COP1: variants seen among roughly 807,000 people sequenced by gnomAD.
COP1 encodes the protein COP1 E3 ubiquitin ligase.
Under a neutral mutation model 101.3 loss-of-function variants are expected in COP1, and 24 were observed. That is an observed-to-expected ratio of 0.24 (90% CI 0.17 to 0.33). The LOEUF is 0.33. Ranked by LOEUF, COP1 falls within the 10% of genes least tolerant of loss-of-function variation. COP1 has a pLI of 1.00. For missense variants in COP1, 663 were observed against 906.2 expected (o/e 0.73, Z 3.45); for synonymous variants, 347 against 341.9 (o/e 1.01, Z -0.17).
At chr1:176,001,942 C>T (rs367551115) in intron 15 of COP1, among the ~76,000 whole-genome samples, 18 of 152,180 alleles carry the variant, frequency 1.2e-4, no homozygotes, top group South Asian at 2.1e-4. Flanking sequence ...TGATTTCTGA[C>T]GAGAAGTCAT....
In COP1 at chr1:176,128,861, G is replaced by A. The variant is rs190421738; in HGVS notation, c.968+6149C>T. 6.6e-5 allele frequency among the ~76,000 whole-genome samples: 10 copies of A among 151,944 alleles called. No individual in the cohort carries two copies. In the East Asian group the frequency reaches 1.9e-3, roughly 29 times the overall value. On this transcript the variant is annotated intron_variant, in intron 8 of 19. Transcript: ENST00000367669. Reference sequence around the variant, plus strand: ...CTAAGAACTTAAGCATTAACATGAAGCAGCAGACATTGACAATGCATTGGT... The same window carrying A: ...CTAAGAACTTAAGCATTAACATGAAACAGCAGACATTGACAATGCATTGGT...
At chr1:176,172,897 TA>T (rs1696302366) in intron 3 of COP1, among the ~76,000 whole-genome samples, 1 of 152,062 alleles carries the variant, frequency 6.6e-6, no homozygotes, top group African/African-American at 2.4e-5. Context: ...CTAGAAGAGG[TA>T]ATCAGCAGAA....
intron 9 of COP1, among the ~76,000 whole-genome samples, chr1:176,094,609 A>C (rs1030238721): frequency 4.0e-5 from 6 of 151,846 alleles, no homozygotes; most frequent in African/African-American, 1.4e-4. Context: ...TAGCAAACTC[A>C]AAGATAATTA....
chr1:176,144,243 T>C (rs773869584), intron 6 of COP1, among the ~76,000 whole-genome samples: 1 of 152,102 alleles, frequency 6.6e-6, no homozygotes, highest in Non-Finnish European at 1.5e-5. Flanking sequence ...TTAATGAGAG[T>C]TTAACCAGGT....
At chr1:176,026,385 T>C (rs1667664352) in intron 15 of COP1, among the ~76,000 whole-genome samples, 1 of 151,998 alleles carries the variant, frequency 6.6e-6, no homozygotes, top group Non-Finnish European at 1.5e-5. Context: ...ACAAAGAATC[T>C]TTTTTCCATA....
In COP1 at chr1:176,011,692, T is replaced by C. The variant is rs559185687; in HGVS notation, c.1729+15880A>G. Among the ~76,000 whole-genome samples, 108 of 152,334 alleles carry C rather than the reference T, an allele frequency of 7.1e-4. No homozygotes were observed. The South Asian group carries it at 0.02, about 29-fold the overall frequency. ...AAATATAACACACATAGACATTTATTATAATGCACTTATATACAGTCACAT... is the reference window on the plus strand; with the variant it reads ...AAATATAACACACATAGACATTTATCATAATGCACTTATATACAGTCACAT... On this transcript the variant is annotated intron_variant, in intron 15 of 19. Transcript: ENST00000367669.
chr1:176,104,572 A>G (rs995600475), intron 9 of COP1, among the ~76,000 whole-genome samples: 17 of 152,204 alleles, frequency 1.1e-4, no homozygotes, highest in Non-Finnish European at 1.0e-4. Context: ...TCTCATTTAT[A>G]ATTAAAGAAA....
intron 11 of COP1, among the ~76,000 whole-genome samples, chr1:176,068,634 C>T (rs749991511): frequency 5.3e-5 from 8 of 152,130 alleles, no homozygotes; most frequent in Non-Finnish European, 1.0e-4. Flanking sequence ...GATAAAAGCA[C>T]ATTTTTTTCC....
At chr1:176,125,927 G>C (rs908843027) in intron 8 of COP1, among the ~76,000 whole-genome samples, 18 of 152,060 alleles carry the variant, frequency 1.2e-4, no homozygotes, top group Non-Finnish European at 1.2e-4. Context: ...TTTCATTATA[G>C]ATATCTTTCA....
At chr1:175,975,026 T>C (rs527910137) in intron 18 of COP1, among the ~76,000 whole-genome samples, 1 of 149,818 alleles carries the variant, frequency 6.7e-6, no homozygotes, top group Non-Finnish European at 1.5e-5. Context: ...TTTTAAAAAA[T>C]ATTGACAGCT....
At chr1:176,158,630 C>CTTTTTTTTTTTTTTTTT (rs35518162) in intron 5 of COP1, among the ~76,000 whole-genome samples, 1 of 79,312 alleles carries the variant, frequency 1.3e-5, no homozygotes, top group Non-Finnish European at 2.2e-5. Context: ...TTTTAAGGTT[C>CTTTTTTTTTTTTTTTTT]TTTTTTTTTT....
At chr1:176,202,580 C>T (rs1462247376) in intron 1 of COP1, among the ~76,000 whole-genome samples, 1 of 151,772 alleles carries the variant, frequency 6.6e-6, no homozygotes, top group Non-Finnish European at 1.5e-5. Flanking sequence ...CGTCTCTAAT[C>T]CCCGCTGCTT....
chr1:176,105,755 A>G (rs913349843), intron 9 of COP1, among the ~76,000 whole-genome samples: 2 of 152,204 alleles, frequency 1.3e-5, no homozygotes, highest in Non-Finnish European at 2.9e-5. Flanking sequence ...AAAACACATC[A>G]GTTGGTCAGC....
chr1:176,162,857 G>T lies in COP1; in HGVS notation c.762+12C>A. On this transcript the variant is annotated intron_variant, in intron 5 of 19. Transcript: ENST00000367669. ...TCATTTAAAATTTTTTTTAAGTTTA[G>T]CTACCACTTACTGCTTCCAGTTGTT... is the stretch of plus-strand genomic sequence containing the variant. 1 of 1,566,654 alleles carries T rather than the reference G, an allele frequency of 6.4e-7. No individual in the cohort carries two copies. The highest frequency in any genetic ancestry group is 1.3e-5 in the South Asian group (1 of 79,868).
intron 14 of COP1, among the ~76,000 whole-genome samples, chr1:176,042,730 C>CAAAAA (rs35637870): frequency 2.0e-5 from 1 of 49,666 alleles, no homozygotes; most frequent in Non-Finnish European, 3.7e-5. Flanking sequence ...AACTCTATCT[C>CAAAAA]AAAAAAAAAA....
intron 15 of COP1, among the ~76,000 whole-genome samples, chr1:176,005,301 C>A (rs898302704): frequency 6.6e-6 from 1 of 152,114 alleles, no homozygotes; most frequent in Non-Finnish European, 1.5e-5. Context: ...TTCAAAAAAC[C>A]AGCTCCTGGA....
rs2149203798 is a variant in COP1, at chr1:176,046,306, A to G, written c.1296T>C (p.Asp432=). Residue 432 remains aspartate, a synonymous_variant, in exon 12 of 20, where the codon GAT becomes GAC. Coordinates refer to ENST00000367669, the MANE Select transcript of COP1 (RefSeq NM_022457.7). Reference sequence around the variant, plus strand: ...CTCCAGCAATCGCAAAATAGTCACAATCCCGGTCAAATTCAATACTAAGGG... The same window carrying G: ...CTCCAGCAATCGCAAAATAGTCACAGTCCCGGTCAAATTCAATACTAAGGG... The part of the protein sequence containing the change: ...SIVSSIEFDR[D]CDYFAIAGVT... 2 of 1,609,192 alleles carry G rather than the reference A, an allele frequency of 1.2e-6. No homozygotes were observed. The highest frequency in any genetic ancestry group is 2.2e-5 in the East Asian group (1 of 44,634).
intron 18 of COP1, among the ~76,000 whole-genome samples, chr1:175,969,389 C>T (rs1267353212): frequency 6.6e-6 from 1 of 152,128 alleles, no homozygotes; most frequent in Admixed American, 6.5e-5. Context: ...GAATTCTCTG[C>T]CCTTCCACTG....
chr1:175,998,244 A>C (rs1228032289), intron 15 of COP1, among the ~76,000 whole-genome samples: 2 of 149,098 alleles, frequency 1.3e-5, no homozygotes, highest in Non-Finnish European at 3.0e-5. Context: ...TCTCACTCAT[A>C]GGTGGGAATT....
Sources: gnomAD v4.1 joint callset for allele counts (sites outside exome capture counted in the v4.1 genomes callset) on GRCh38, gnomAD v4.1.1 for gene constraint, MANE v1.5 for transcripts, NCBI Gene and HGNC (gene_info 2026-07-23, HGNC 2026-07-21) for gene names.